Variants in XNDC1N observed in about 807,000 individuals in gnomAD.
XNDC1N encodes XRCC1 N-terminal domain containing 1, N-terminal like, also known as protein XNDC1N.
chr11:71,901,753 C>T, the XNDC1N span, among the ~76,000 whole-genome samples: 1 of 152,186 alleles, frequency 6.6e-6, no homozygotes, highest in East Asian at 1.9e-4. Context: ...AGATATCCAT[C>T]CTCTGAGACT....
the XNDC1N span, among the ~76,000 whole-genome samples, chr11:71,904,793 C>T: frequency 2.4e-3 from 372 of 152,106 alleles, no homozygotes; most frequent in Middle Eastern, 0.01. Flanking sequence ...AGCAGGTGTA[C>T]ATATATGGTG....
At chr11:71,870,465 TAAGTTCTAACTTA>T in the XNDC1N span, among the ~76,000 whole-genome samples, 11 of 152,298 alleles carry the variant, frequency 7.2e-5, no homozygotes, top group East Asian at 1.9e-4. Context: ...TTGGACATCT[TAAGTTCTAACTTA>T]AAGTTCTAAC....
the XNDC1N span, chr11:71,894,059 T>C: frequency 3.7e-6 from 2 of 538,914 alleles, no homozygotes; most frequent in Admixed American, 2.7e-5. Context: ...ATCAATAGCA[T>C]ATTCATGCAT....
chr11:71,902,341 G>A, the XNDC1N span, among the ~76,000 whole-genome samples: 3 of 152,196 alleles, frequency 2.0e-5, no homozygotes, highest in African/African-American at 4.8e-5. Flanking sequence ...ACAGGCGCAC[G>A]CCGCCATACC....
chr11:71,903,653 T>C, the XNDC1N span: 43 of 432,022 alleles, frequency 1.0e-4, no homozygotes, highest in Middle Eastern at 7.2e-4. Flanking sequence ...TTTTTTTCTT[T>C]TTTTTTTTTT....
chr11:71,884,106 A>G, the XNDC1N span, among the ~76,000 whole-genome samples: 2 of 152,228 alleles, frequency 1.3e-5, no homozygotes, highest in Admixed American at 1.3e-4. Flanking sequence ...TTCCTGCATT[A>G]TGAATCTCTA....
the XNDC1N span, among the ~76,000 whole-genome samples, chr11:71,900,465 A>C: frequency 6.6e-6 from 1 of 152,058 alleles, no homozygotes; most frequent in Non-Finnish European, 1.5e-5. Flanking sequence ...GACAGATGGG[A>C]GGAGACCAAT....
At chr11:71,894,780 A>T in the XNDC1N span, among the ~76,000 whole-genome samples, 4 of 152,228 alleles carry the variant, frequency 2.6e-5, no homozygotes, top group African/African-American at 7.2e-5. Context: ...CTCCAACACC[A>T]TTGGTTGTTC....
the XNDC1N span, chr11:71,903,227 C>T: frequency 5.8e-6 from 5 of 857,188 alleles, no homozygotes; most frequent in East Asian, 1.2e-4. Context: ...CTCTATATTC[C>T]TTCTCCTCGA....
At chr11:71,886,592 G>T in the XNDC1N span, among the ~76,000 whole-genome samples, 13 of 152,304 alleles carry the variant, frequency 8.5e-5, no homozygotes, top group South Asian at 2.5e-3. Flanking sequence ...AGAGACTGTG[G>T]GAGGCCTATC....
chr11:71,884,408 C>A, the XNDC1N span: 23 of 1,577,456 alleles, frequency 1.5e-5, 1 homozygote, highest in East Asian at 3.8e-4. Context: ...TTTTTAAAGC[C>A]AGAAGCTTCA....
chr11:71,924,715 G>T, the XNDC1N span, among the ~76,000 whole-genome samples: 1 of 152,080 alleles, frequency 6.6e-6, no homozygotes, highest in East Asian at 1.9e-4. Context: ...GTTCACATGG[G>T]TATTTGTACT....
chr11:71,912,130 C>T, the XNDC1N span, among the ~76,000 whole-genome samples: 2 of 152,234 alleles, frequency 1.3e-5, no homozygotes, highest in African/African-American at 4.8e-5. Flanking sequence ...CAGCCCTTGC[C>T]AAAACGGTGA....
the XNDC1N span, chr11:71,928,494 C>A: frequency 1.4e-6 from 1 of 702,602 alleles, no homozygotes; most frequent in Non-Finnish European, 2.6e-6. Flanking sequence ...TTCCGTAGCA[C>A]AGGAATGCGT....
the XNDC1N span, among the ~76,000 whole-genome samples, chr11:71,877,860 T>C: frequency 1.3e-5 from 2 of 152,210 alleles, no homozygotes; most frequent in East Asian, 1.9e-4. Flanking sequence ...TCTTCTTTCT[T>C]TAATTCCTCT....
At chr11:71,899,490 T>C in the XNDC1N span, among the ~76,000 whole-genome samples, 1 of 152,226 alleles carries the variant, frequency 6.6e-6, no homozygotes, top group Non-Finnish European at 1.5e-5. Context: ...GTTGTTAATG[T>C]GTAGATTTGC....
At chr11:71,897,889 G>A in the XNDC1N span, among the ~76,000 whole-genome samples, 8 of 152,154 alleles carry the variant, frequency 5.3e-5, no homozygotes, top group African/African-American at 1.9e-4. Context: ...GCCTTCAAAA[G>A]GCAGGCACTT....
At chr11:71,916,178 G>A in the XNDC1N span, 1 of 703,002 alleles carries the variant, frequency 1.4e-6, no homozygotes, top group Non-Finnish European at 2.6e-6. Context: ...AAGGACTGAT[G>A]ACGCGTGAAG....
At chr11:71,917,705 T>A in the XNDC1N span, 1 of 703,166 alleles carries the variant, frequency 1.4e-6, no homozygotes, top group African/African-American at 1.7e-5. Context: ...GGGAGCAGGG[T>A]TATGAAAGGT....
Sources: allele counts gnomAD v4.1 joint callset (sites outside exome capture counted in the v4.1 genomes callset), GRCh38; gene constraint gnomAD v4.1.1; transcripts MANE v1.5; gene names NCBI Gene and HGNC (gene_info 2026-07-23, HGNC 2026-07-21).